Variants in ARHGEF4 observed in about 807,000 individuals in gnomAD.
ARHGEF4 encodes the protein Rho guanine nucleotide exchange factor 4, also known as APC-stimulated guanine nucleotide exchange factor 1.
ARHGEF4 carries 119 observed loss-of-function variants against 162.0 expected under a neutral mutation model. That is an observed-to-expected ratio of 0.73 (90% CI 0.63 to 0.86). The LOEUF is 0.86. Ranked by LOEUF, ARHGEF4 falls within the 40% of genes least tolerant of loss-of-function variation. The probability of loss-of-function intolerance (pLI) is 0.00; values close to 1 mark genes in which losing one functional copy is unlikely to be tolerated. For missense variants in ARHGEF4, 2,488 were observed against 2,456.0 expected, an observed-to-expected ratio of 1.01 and a Z score of -0.28; for synonymous variants, 1,014 against 979.9, an observed-to-expected ratio of 1.03 and a Z score of -0.65.
chr2:130,877,067 C>T (rs958042194), intron 1 of ARHGEF4, among the ~76,000 whole-genome samples: 2 of 152,144 alleles, frequency 1.3e-5, no homozygotes, highest in Admixed American at 1.3e-4. Flanking sequence ...TCCATGGTGG[C>T]GATGGGGTCC....
At chr2:130,853,177 G>A (rs1681532913) in intron 1 of ARHGEF4, among the ~76,000 whole-genome samples, 1 of 152,148 alleles carries the variant, frequency 6.6e-6, no homozygotes, top group African/African-American at 2.4e-5. Flanking sequence ...CCCAACTTGG[G>A]GTCTGCCAGA....
intron 1 of ARHGEF4, among the ~76,000 whole-genome samples, chr2:130,893,535 T>C (rs1410118995): frequency 1.3e-5 from 2 of 152,192 alleles, no homozygotes; most frequent in East Asian, 1.9e-4. Flanking sequence ...TTCTGCTTTG[T>C]TGGGGCACGG....
chr2:130,881,804 A>G (rs1370967007), intron 1 of ARHGEF4, among the ~76,000 whole-genome samples: 2 of 152,128 alleles, frequency 1.3e-5, no homozygotes, highest in Admixed American at 6.5e-5. Context: ...TGAGGACCAC[A>G]GGCTGGTGTA....
At chr2:131,023,855 C>A (rs1451177574) in intron 4 of ARHGEF4, among the ~76,000 whole-genome samples, 1 of 152,162 alleles carries the variant, frequency 6.6e-6, no homozygotes, top group African/African-American at 2.4e-5. Flanking sequence ...TGGAAACAAT[C>A]CACATATCCT....
intron 4 of ARHGEF4, among the ~76,000 whole-genome samples, chr2:130,997,746 T>A (rs891743050): frequency 6.6e-6 from 1 of 152,230 alleles, no homozygotes; most frequent in Non-Finnish European, 1.5e-5. Context: ...AAAACTCAAA[T>A]TTGTTCCAAA....
intron 4 of ARHGEF4, among the ~76,000 whole-genome samples, chr2:130,999,135 A>G (rs1687591107): frequency 6.7e-6 from 1 of 149,614 alleles, no homozygotes; most frequent in African/African-American, 2.5e-5. Context: ...TTGTTTTCTT[A>G]TAATTGAGGG....
chr2:130,873,587 C>CA (rs397868918), intron 1 of ARHGEF4, among the ~76,000 whole-genome samples: 22,923 of 107,694 alleles, frequency 0.21, 3,572 homozygotes, highest in African/African-American at 0.47. Flanking sequence ...AACTCCATCT[C>CA]AAAAAAAAAA....
chr2:131,046,664 G>A lies in ARHGEF4; in HGVS notation c.*475G>A, dbSNP rs1691287148. On this transcript the variant is annotated 3_prime_UTR_variant, in exon 14 of 14. Transcript: ENST00000409359. ...GTTCTCCAAGTCCCCAGCCCGGCCA[G>A]TGGTGCCAGGCAGCTTGCCACTTGG... 6.5e-6 allele frequency: 1 copy of A among 153,994 alleles called. No homozygotes were observed. Among genetic ancestry groups the A allele is most frequent in the Non-Finnish European group, 1.4e-5 (1 of 69,258 alleles). 9.5% of individuals were successfully genotyped at this position (153,994 alleles called of 1,614,324 possible).
intron 2 of ARHGEF4, among the ~76,000 whole-genome samples, chr2:130,921,476 C>T (rs956089800): frequency 6.6e-6 from 1 of 152,114 alleles, no homozygotes; most frequent in Non-Finnish European, 1.5e-5. Context: ...TTGGGGGATG[C>T]ATATCTTTAG....
chr2:130,999,425 G>A (rs761138324), intron 4 of ARHGEF4, among the ~76,000 whole-genome samples: 1 of 152,126 alleles, frequency 6.6e-6, no homozygotes, highest in East Asian at 1.9e-4. Flanking sequence ...CAAAGTGCTG[G>A]GATTACAGGC....
intron 5 of ARHGEF4, among the ~76,000 whole-genome samples, chr2:131,029,551 CT>C (rs70994734): frequency 3.7e-4 from 52 of 141,074 alleles, no homozygotes; most frequent in East Asian, 1.5e-3. Context: ...TGTGCTTTTC[CT>C]TTTTTTTTTT....
intron 1 of ARHGEF4, among the ~76,000 whole-genome samples, chr2:130,852,192 G>T (rs1438870728): frequency 6.6e-6 from 1 of 152,214 alleles, no homozygotes; most frequent in African/African-American, 2.4e-5. Flanking sequence ...CCCTTCTGAC[G>T]AGCTCATGGG....
chr2:130,847,936 T>C (rs1219963909), intron 1 of ARHGEF4, among the ~76,000 whole-genome samples: 1 of 152,102 alleles, frequency 6.6e-6, no homozygotes, highest in Admixed American at 6.5e-5. Context: ...GTGTGTGGGA[T>C]TGGAGCTGGG....
chr2:131,023,077 A>G (rs1346173045), intron 4 of ARHGEF4, among the ~76,000 whole-genome samples: 1 of 143,470 alleles, frequency 7.0e-6, no homozygotes, highest in African/African-American at 2.7e-5. Flanking sequence ...CCTGTCTCAA[A>G]AAAAAAAAAA....
At chr2:130,873,437 A>G (rs936632705) in intron 1 of ARHGEF4, among the ~76,000 whole-genome samples, 1 of 151,942 alleles carries the variant, frequency 6.6e-6, no homozygotes, top group African/African-American at 2.4e-5. Context: ...AAAAATACAA[A>G]AATTAGCTGG....
In ARHGEF4 at chr2:130,916,342, C is replaced by T. The variant is rs1324392655; in HGVS notation, c.2396C>T (p.Ser799Phe). The T allele has an allele frequency of 1.3e-6, 2 of 1,543,276 alleles. No individual in the cohort carries two copies. The highest frequency in any genetic ancestry group is 1.4e-5 in the African/African-American group (1 of 72,418). Reference protein sequence around the residue: ...GKRPTFSKVTSFRKGRPLATE... With the variant: ...GKRPTFSKVTFFRKGRPLATE... ...CGCCCGACGTTTTCCAAGGTGACCT[C>T]CTTCAGGAAGGGCAGGCCCTTGGCC... The change falls in exon 2 of 14, where the codon TCC (serine) becomes TTC (phenylalanine). Residue 799 changes from serine (S) to phenylalanine (F), a missense_variant. Around this residue, in one of 6 missense-constraint regions of ARHGEF4, gnomAD observed 1,642 missense variants for 1,481.5 expected, o/e 1.11. Transcript: ENST00000409359.
intron 1 of ARHGEF4, among the ~76,000 whole-genome samples, chr2:130,908,499 A>C (rs1278040947): frequency 6.6e-6 from 1 of 152,178 alleles, no homozygotes; most frequent in Non-Finnish European, 1.5e-5. Context: ...ACATAGTGAA[A>C]CCTTGTCTCT....
intron 4 of ARHGEF4, among the ~76,000 whole-genome samples, chr2:131,019,445 T>G (rs866673851): frequency 6.6e-6 from 1 of 151,594 alleles, no homozygotes; most frequent in African/African-American, 2.4e-5. Context: ...TTTATAGGAA[T>G]GCATTGAATA....
intron 4 of ARHGEF4, among the ~76,000 whole-genome samples, chr2:130,989,008 C>G (rs557435022): frequency 1.3e-5 from 2 of 151,824 alleles, no homozygotes; most frequent in East Asian, 3.9e-4. Flanking sequence ...GTTGCCCAGG[C>G]TGGAGTGCAA....
Sources: allele counts gnomAD v4.1 joint callset (sites outside exome capture counted in the v4.1 genomes callset), GRCh38; gene constraint gnomAD v4.1.1; regional missense constraint gnomAD v4.1.1; transcripts MANE v1.5; gene names NCBI Gene and HGNC (gene_info 2026-07-23, HGNC 2026-07-21).